Variants in CELF2 observed in about 807,000 individuals in gnomAD.
The protein encoded by CELF2 is CUGBP Elav-like family member 2.
Under a neutral mutation model 62.6 loss-of-function variants are expected in CELF2, and 8 were observed. That is an observed-to-expected ratio of 0.13 (90% CI 0.07 to 0.23). The LOEUF (loss-of-function observed/expected upper bound fraction) is 0.23, where lower values mean the gene tolerates loss of function less well. CELF2 is among the 10% of genes least tolerant of loss of function. CELF2 has a pLI of 1.00. For synonymous variants in CELF2, 258 were observed against 250.0 expected (o/e 1.03, Z -0.30); for missense variants, 333 against 671.0 (o/e 0.50, Z 5.56).
intron 1 of CELF2, among the ~76,000 whole-genome samples, chr10:11,160,539 C>T (rs1266339094): frequency 1.3e-5 from 2 of 150,710 alleles, no homozygotes; most frequent in African/African-American, 2.5e-5. Context: ...TCCTTAGTTG[C>T]ATTAGCCACA....
the CELF2 span, among the ~76,000 whole-genome samples, chr10:10,545,447 A>C: frequency 3.3e-5 from 5 of 152,212 alleles, no homozygotes; most frequent in Admixed American, 2.0e-4. Flanking sequence ...AAAAGAAATG[A>C]CACCACGTAC....
At chr10:10,482,285 G>C in the CELF2 span, among the ~76,000 whole-genome samples, 1 of 152,164 alleles carries the variant, frequency 6.6e-6, no homozygotes, top group South Asian at 2.1e-4. Context: ...AAAATGTATA[G>C]AGTGTATGTT....
the CELF2 span, among the ~76,000 whole-genome samples, chr10:10,524,941 G>A: frequency 6.6e-6 from 1 of 152,090 alleles, no homozygotes; most frequent in African/African-American, 2.4e-5. Context: ...TGATAATATC[G>A]CTCTAGTCCT....
At chr10:10,726,823 A>G in the CELF2 span, among the ~76,000 whole-genome samples, 1 of 152,234 alleles carries the variant, frequency 6.6e-6, no homozygotes, top group African/African-American at 2.4e-5. Context: ...TCACATTGCT[A>G]TCAAGAAATG....
chr10:11,327,936 A>T (rs574161302), intron 12 of CELF2, among the ~76,000 whole-genome samples: 3 of 152,262 alleles, frequency 2.0e-5, no homozygotes, highest in African/African-American at 7.2e-5. Context: ...CCTAAATGTA[A>T]ATCAGGACCA....
chr10:10,462,995 C>T, the CELF2 span, among the ~76,000 whole-genome samples: 89,478 of 151,830 alleles, frequency 0.59, 26,462 homozygotes, highest in Admixed American at 0.66. Flanking sequence ...CATAACGAGT[C>T]TGCTGTTTAC....
At position 10,928,756 on chromosome 10, in the gene CELF2, C is replaced by A. The variant is rs1157730057; in HGVS notation, c.89+8757C>A. On this transcript the variant is annotated intron_variant, in intron 2 of 13. Coordinates refer to the CELF2 transcript ENST00000636488. This position sits in a 1 kb window ranked among gnomAD's most constrained non-coding sequence, Gnocchi z 4.8. ...ACCCCAGTTTTAACCCCTATCCTAG[C>A]ATCTGTGTCATCCAATAATATAATT... Among the ~76,000 whole-genome samples, 1 of 152,172 alleles carries A rather than the reference C, an allele frequency of 6.6e-6. No individual in the cohort carries two copies. Among genetic ancestry groups the A allele is most frequent in the Non-Finnish European group, 1.5e-5 (1 of 68,028 alleles).
chr10:10,857,334 T>C (rs868034262), intron 1 of CELF2, among the ~76,000 whole-genome samples: 9 of 152,014 alleles, frequency 5.9e-5, no homozygotes, highest in Middle Eastern at 6.8e-3. Context: ...TGAAAAGACC[T>C]TGTCAAACAG....
chr10:11,263,824 C>T (rs1044720157), intron 5 of CELF2, among the ~76,000 whole-genome samples: 4 of 152,186 alleles, frequency 2.6e-5, no homozygotes, highest in Non-Finnish European at 5.9e-5. Flanking sequence ...TAGGACTTAC[C>T]GTGACCTCCT....
At chr10:11,113,851 G>A (rs1005731650) in intron 1 of CELF2, among the ~76,000 whole-genome samples, 2 of 152,110 alleles carry the variant, frequency 1.3e-5, no homozygotes, top group African/African-American at 2.4e-5. Flanking sequence ...TGTCATTTTC[G>A]AGGACCATCA....
intron 1 of CELF2, among the ~76,000 whole-genome samples, chr10:10,822,051 C>A (rs1329740848): frequency 6.6e-6 from 1 of 152,216 alleles, no homozygotes; most frequent in East Asian, 1.9e-4. Context: ...CACAATGCAG[C>A]CACTCCTTCC....
At chr10:11,283,705 A>G (rs1430670984) in intron 8 of CELF2, among the ~76,000 whole-genome samples, 1 of 147,364 alleles carries the variant, frequency 6.8e-6, no homozygotes, top group East Asian at 2.1e-4. Flanking sequence ...GGTGGGTCAA[A>G]TATGTCCTGG....
chr10:11,034,980 A>G (rs1236688423), intron 1 of CELF2, among the ~76,000 whole-genome samples: 1 of 151,970 alleles, frequency 6.6e-6, no homozygotes, highest in Non-Finnish European at 1.5e-5. Flanking sequence ...TTGCTGGGAT[A>G]CTCCCAGCTT....
In CELF2 at chr10:11,267,755, C is replaced by T. The variant is rs2082570065; in HGVS notation, c.618+1078C>T. ...TGCTGGGAGCTAAGTGATCATTATGCGTCATGTTTTGTGGGCAACTTTTTT... is the reference window on the plus strand; with the variant it reads ...TGCTGGGAGCTAAGTGATCATTATGTGTCATGTTTTGTGGGCAACTTTTTT... On this transcript the variant is annotated intron_variant, in intron 6 of 12. Coordinates refer to ENST00000633077, the MANE Select transcript of CELF2 (RefSeq NM_001326342.2). The surrounding 1 kb of genome is among the most constrained non-coding windows in gnomAD (Gnocchi z 4.4). Among the ~76,000 whole-genome samples, 2 of 151,896 alleles carry T rather than the reference C, an allele frequency of 1.3e-5. No individual in the cohort carries two copies. Among genetic ancestry groups the T allele is most frequent in the African/African-American group, 2.4e-5 (1 of 41,312 alleles).
At chr10:10,676,042 C>G in the CELF2 span, among the ~76,000 whole-genome samples, 3 of 152,070 alleles carry the variant, frequency 2.0e-5, no homozygotes. Context: ...AGATGATGTA[C>G]TGGGAAGAGG....
the CELF2 span, among the ~76,000 whole-genome samples, chr10:10,781,890 A>G: frequency 6.6e-6 from 1 of 152,244 alleles, no homozygotes; most frequent in Non-Finnish European, 1.5e-5. Context: ...ACCGTGAATC[A>G]AAAACATACT....
At chr10:11,212,662 A>C (rs1276430139) in intron 2 of CELF2, among the ~76,000 whole-genome samples, 2 of 151,506 alleles carry the variant, frequency 1.3e-5, no homozygotes, top group East Asian at 3.9e-4. Context: ...GAATTTTAAA[A>C]GTCCTGGTGA....
rs2093823758 is a variant in CELF2 at position 11,302,209 on chromosome 10, T to G, written c.977-11930T>G. 6.6e-6 allele frequency among the ~76,000 whole-genome samples: 1 copy of G among 152,182 alleles called. No homozygotes were observed. Among genetic ancestry groups the G allele is most frequent in the African/African-American group, 2.4e-5 (1 of 41,434 alleles). ...CCCTTTCCTGTCACAAACCAAACCT[T>G]CCCACTCCCTGCAGCCTCTCACCTT... On this transcript the variant is annotated intron_variant, in intron 9 of 12. Coordinates refer to ENST00000633077, the MANE Select transcript of CELF2 (RefSeq NM_001326342.2). This position sits in a 1 kb window ranked among gnomAD's most constrained non-coding sequence, Gnocchi z 5.0.
At chr10:10,988,596 C>G (rs558233304) in intron 2 of CELF2, among the ~76,000 whole-genome samples, 33 of 152,126 alleles carry the variant, frequency 2.2e-4, no homozygotes, top group African/African-American at 7.0e-4. Flanking sequence ...GCACTCAAAT[C>G]TCAGAAATCA....
Sources: allele counts gnomAD v4.1 joint callset (sites outside exome capture counted in the v4.1 genomes callset), GRCh38; gene constraint gnomAD v4.1.1; non-coding constraint Gnocchi (gnomAD v3.1); transcripts MANE v1.5; gene names NCBI Gene and HGNC (gene_info 2026-07-23, HGNC 2026-07-21).